Variants in NTM observed in about 807,000 individuals in gnomAD.
NTM encodes the protein neurotrimin, also known as IgLON family member 2.
NTM carries 13 observed loss-of-function variants against 42.1 expected under a neutral mutation model. The observed-to-expected ratio is 0.31, with a 90% CI of 0.20 to 0.49. The LOEUF (loss-of-function observed/expected upper bound fraction) is 0.49. Among genes scored for constraint, NTM ranks in the 20% least tolerant of loss-of-function variants. The probability of loss-of-function intolerance (pLI) is 0.99; values close to 1 mark genes in which losing one functional copy is unlikely to be tolerated. For synonymous variants in NTM, 187 were observed against 179.2 expected, an observed-to-expected ratio of 1.04 and a Z score of -0.35; for missense variants, 373 against 452.8, an observed-to-expected ratio of 0.82 and a Z score of 1.60.
chr11:131,543,536 C>G (rs1267376368), intron 1 of NTM, among the ~76,000 whole-genome samples: 1 of 152,194 alleles, frequency 6.6e-6, no homozygotes, highest in Non-Finnish European at 1.5e-5. Context: ...GTTGCTACAA[C>G]CAGCACCAGA....
chr11:131,529,168 C>A (rs916652590), intron 1 of NTM, among the ~76,000 whole-genome samples: 1 of 152,198 alleles, frequency 6.6e-6, no homozygotes, highest in African/African-American at 2.4e-5. Flanking sequence ...AGAATCCAGG[C>A]TGCGGCTAAT....
chr11:131,636,420 A>G (rs1388945946), intron 1 of NTM, among the ~76,000 whole-genome samples: 1 of 152,206 alleles, frequency 6.6e-6, no homozygotes, highest in Non-Finnish European at 1.5e-5. Context: ...CTCGGAAACC[A>G]AATGAGCTCT....
chr11:132,156,953 A>G (rs1591880706), intron 3 of NTM, among the ~76,000 whole-genome samples: 1 of 152,202 alleles, frequency 6.6e-6, no homozygotes, highest in Non-Finnish European at 1.5e-5. Flanking sequence ...GAAGATGCTG[A>G]CCCTCAGGGT....
intron 1 of NTM, among the ~76,000 whole-genome samples, chr11:131,739,575 C>T (rs901725378): frequency 6.6e-6 from 1 of 152,176 alleles, no homozygotes; most frequent in Non-Finnish European, 1.5e-5. Flanking sequence ...CTGTCCTCCG[C>T]GGTTCCTGTG....
chr11:131,452,436 G>A (rs1412685934), intron 1 of NTM, among the ~76,000 whole-genome samples: 1 of 152,188 alleles, frequency 6.6e-6, no homozygotes, highest in Non-Finnish European at 1.5e-5. Context: ...CTCCACAGAT[G>A]GCTACTTCTT....
chr11:131,636,412 C>T (rs934893305), intron 1 of NTM, among the ~76,000 whole-genome samples: 1 of 152,176 alleles, frequency 6.6e-6, no homozygotes, highest in Non-Finnish European at 1.5e-5. Flanking sequence ...GCGGAACCCT[C>T]GGAAACCAAA....
chr11:131,457,656 T>C (rs546463794), intron 1 of NTM, among the ~76,000 whole-genome samples: 5 of 152,190 alleles, frequency 3.3e-5, no homozygotes, highest in African/African-American at 1.2e-4. Flanking sequence ...AAATCCGGAG[T>C]TCAGGAAGAG....
At chr11:132,195,826 A>C (rs1398620836) in intron 3 of NTM, among the ~76,000 whole-genome samples, 1 of 152,218 alleles carries the variant, frequency 6.6e-6, no homozygotes, top group Non-Finnish European at 1.5e-5. Flanking sequence ...ATATGCTTAA[A>C]TGTAAGACCT....
chr11:131,392,825 C>G (rs576763181), intron 1 of NTM, among the ~76,000 whole-genome samples: 179 of 152,292 alleles, frequency 1.2e-3, no homozygotes, highest in African/African-American at 4.0e-3. Flanking sequence ...TTAAGAGAAC[C>G]AAGGTCTATT....
intron 4 of NTM, among the ~76,000 whole-genome samples, chr11:132,275,690 T>TTATATATATACGTA (rs771096649): frequency 1.0e-5 from 1 of 100,132 alleles, no homozygotes; most frequent in Non-Finnish European, 2.3e-5. Context: ...ACTTGATGTT[T>TTATATATATACGTA]TATATATATA....
chr11:131,998,004 C>T (rs78453115), intron 2 of NTM, among the ~76,000 whole-genome samples: 3,526 of 152,142 alleles, frequency 0.023, 134 homozygotes, highest in African/African-American at 0.081. Flanking sequence ...ACCCCAGGAC[C>T]CACCTTTGCT....
intron 2 of NTM, among the ~76,000 whole-genome samples, chr11:132,080,498 T>G (rs1217115188): frequency 6.6e-6 from 1 of 152,236 alleles, no homozygotes; most frequent in African/African-American, 2.4e-5. Flanking sequence ...TCCAGACTAA[T>G]GGGCAACTTT....
intron 2 of NTM, among the ~76,000 whole-genome samples, chr11:131,962,960 G>T (rs1275902659): frequency 2.0e-5 from 3 of 152,288 alleles, no homozygotes; most frequent in African/African-American, 7.2e-5. Context: ...CCACCCATCA[G>T]TGTGAAATAG....
At chr11:132,289,142 T>G (rs1225264983) in intron 4 of NTM, among the ~76,000 whole-genome samples, 1 of 152,214 alleles carries the variant, frequency 6.6e-6, no homozygotes, top group Non-Finnish European at 1.5e-5. Context: ...TGCTTTAAGA[T>G]CTGGCAATTT....
chr11:131,530,931 A>G (rs2051177548), intron 1 of NTM, among the ~76,000 whole-genome samples: 1 of 152,208 alleles, frequency 6.6e-6, no homozygotes, highest in South Asian at 2.1e-4. Flanking sequence ...GGAGAACAGT[A>G]GTGGGAGGTA....
chr11:132,289,982 C>T (rs1009891711), intron 4 of NTM, among the ~76,000 whole-genome samples: 1 of 152,182 alleles, frequency 6.6e-6, no homozygotes, highest in Admixed American at 6.5e-5. Flanking sequence ...TTTTAGGATT[C>T]TGGCTGTTCT....
At chr11:132,260,952 C>T (rs1175954726) in intron 4 of NTM, among the ~76,000 whole-genome samples, 2 of 152,090 alleles carry the variant, frequency 1.3e-5, no homozygotes, top group Non-Finnish European at 2.9e-5. Flanking sequence ...GGAGACAGAG[C>T]CGTTGGCAGC....
In NTM at chr11:131,444,261, T is replaced by C. The variant is rs188794136; in HGVS notation, c.82+73373T>C. 3.5e-3 allele frequency among the ~76,000 whole-genome samples: 285 copies of C among 81,794 alleles called. 1 individual carries two copies. Among genetic ancestry groups the C allele is most frequent in the African/African-American group, 0.012 (269 of 21,640 alleles). The allele number at this position is 81,794 out of a possible 152,430, so 53.7% of individuals were successfully genotyped here. A position where few individuals can be genotyped will look rare whatever the true frequency, so the allele number is the denominator to read the frequency against. ...CAATATGGGGGACAGAAAGAAGAAATGGAAGAAACAATAAGAATGAAATGA... is the reference window on the plus strand; with the variant it reads ...CAATATGGGGGACAGAAAGAAGAAACGGAAGAAACAATAAGAATGAAATGA... On this transcript the variant is annotated intron_variant, in intron 1 of 8. Transcript: ENST00000683400.
chr11:131,786,657 T>C (rs2089281168), intron 1 of NTM, among the ~76,000 whole-genome samples: 1 of 152,240 alleles, frequency 6.6e-6, no homozygotes, highest in Non-Finnish European at 1.5e-5. Context: ...ATTGATCTTT[T>C]AGATTTATCG....
Sources: gnomAD v4.1 joint callset for allele counts (sites outside exome capture counted in the v4.1 genomes callset) on GRCh38, gnomAD v4.1.1 for gene constraint, MANE v1.5 for transcripts, NCBI Gene and HGNC (gene_info 2026-07-23, HGNC 2026-07-21) for gene names.